The following SMC4 variants were observed in gnomAD, a reference collection of about 807,000 sequenced individuals.
SMC4 encodes structural maintenance of chromosomes 4, also known as structural maintenance of chromosomes protein 4.
A neutral mutation model predicts 145.6 loss-of-function variants in SMC4; 87 were observed. The ratio of observed to expected loss-of-function variants is 0.60; its 90% CI spans 0.50 to 0.71. SMC4 has a LOEUF of 0.71. Among genes scored for constraint, SMC4 ranks in the 30% least tolerant of loss-of-function variants. The pLI is 0.00. For synonymous variants in SMC4, 558 were observed against 500.7 expected, an observed-to-expected ratio of 1.11 and a Z score of -1.53; for missense variants, 1,447 against 1,537.1, an observed-to-expected ratio of 0.94 and a Z score of 0.98.
intron 17 of SMC4, among the ~76,000 whole-genome samples, chr3:160,427,940 C>T (rs547188217): frequency 2.0e-5 from 3 of 150,014 alleles, no homozygotes; most frequent in South Asian, 4.1e-4. Context: ...TACACACGCA[C>T]GCACACACAC....
intron 10 of SMC4, 166 bp from the exon 11 acceptor site, chr3:160,417,554 GACA>G (rs1716719170): frequency 1.6e-6 from 1 of 613,672 alleles, no homozygotes; most frequent in Non-Finnish European, 2.8e-6. Flanking sequence ...AGTGAATATT[GACA>G]ACTAGGCAAA....
At chr3:160,412,604 G>A (rs568744766) in intron 7 of SMC4, 151 bp downstream of exon 7, 3 of 1,274,546 alleles carry the variant, frequency 2.4e-6, no homozygotes, top group African/African-American at 1.5e-5. Flanking sequence ...GCTCATGCCT[G>A]TAATTCCAGC....
At chr3:160,433,348 T>G (rs1209280886) in intron 23 of SMC4, 139 bp downstream of exon 23, 8 of 596,680 alleles carry the variant, frequency 1.3e-5, no homozygotes, top group East Asian at 2.9e-5. Context: ...CTGGTATCAG[T>G]GGAGACCAAA....
intron 7 of SMC4, among the ~76,000 whole-genome samples, 162 bp from the exon 8 acceptor site, chr3:160,413,311 C>G (rs937407245): frequency 1.3e-5 from 2 of 152,000 alleles, no homozygotes; most frequent in Non-Finnish European, 2.9e-5. Context: ...TTCCTAAATT[C>G]TAGCCTTGAC....
At position 160,414,185 on chromosome 3, in the gene SMC4, C is replaced by A. The variant is rs555685722; in HGVS notation, c.1122-182C>A. The A allele has an allele frequency of 9.1e-5, 57 of 623,508 alleles. 2 individuals carry two copies. Among genetic ancestry groups the A allele is most frequent in the South Asian group, 5.0e-4 (33 of 65,676 alleles). 38.6% of individuals were successfully genotyped at this position (623,508 alleles called of 1,614,324 possible). A position where few individuals can be genotyped will look rare whatever the true frequency, so the allele number is the denominator to read the frequency against. Reference sequence around the variant, plus strand: ...AGAAAGGCAAAATAGCTGTCATAATCAAAAATACAGGTGCTTCTTCAACTA... The same window carrying A: ...AGAAAGGCAAAATAGCTGTCATAATAAAAAATACAGGTGCTTCTTCAACTA... On this transcript the variant is annotated intron_variant, in intron 8 of 23. Transcript: ENST00000357388.
rs1007778232 is a variant in SMC4, at chr3:160,431,893, T to C, written c.3297+68T>C. 4.8e-5 allele frequency: 71 copies of C among 1,472,852 alleles called. No individual in the cohort carries two copies. In the African/African-American group the frequency reaches 8.0e-4, roughly 17 times the overall value. 91.2% of individuals were successfully genotyped at this position (1,472,852 alleles called of 1,614,324 possible). Reference sequence around the variant, plus strand: ...AGTCCTTAGCCTAAATTCTGATCTTTAGTTTTGTATAATTAACAATGCTGT... The same window carrying C: ...AGTCCTTAGCCTAAATTCTGATCTTCAGTTTTGTATAATTAACAATGCTGT... On this transcript the variant is annotated intron_variant, in intron 21 of 23. Transcript: ENST00000357388.
rs1033810366 is a variant in SMC4 at position 160,424,954 on chromosome 3, G to C, written c.2413G>C (p.Val805Leu). The C allele has an allele frequency of 7.4e-6, 12 of 1,613,718 alleles. No individual in the cohort carries two copies. The Admixed American group carries it at 2.0e-4, about 27-fold the overall frequency. The change falls in exon 16 of 24, where the codon GTT becomes CTT. Residue 805 changes from valine (V) to leucine (L), a missense_variant. Coordinates refer to ENST00000357388, the MANE Select transcript of SMC4 (RefSeq NM_001002800.3). ...GAAAGTACAACTTGAAGAAAGAGTA[G>C]TTAAGTTACGGCATAGTGAACGAGA... ...EQKVQLEERVVKLRHSEREMR... is the reference protein window; with the variant it reads ...EQKVQLEERVLKLRHSEREMR...
intron 2 of SMC4, 54 bp from the exon 3 acceptor site, chr3:160,401,861 G>A (rs1006677890): frequency 4.2e-6 from 6 of 1,440,294 alleles, no homozygotes; most frequent in Admixed American, 4.3e-5. Context: ...TTGCACTAAT[G>A]TAGGCTTTTC....
intron 10 of SMC4, among the ~76,000 whole-genome samples, chr3:160,417,368 T>TG (rs1716696116): frequency 6.6e-6 from 1 of 152,216 alleles, no homozygotes; most frequent in South Asian, 2.1e-4. Context: ...GCTTTCATGA[T>TG]GGGATACTTC....
At chr3:160,432,094 C>T (rs990905691) in intron 21 of SMC4, among the ~76,000 whole-genome samples, 189 bp from the exon 22 acceptor site, 4 of 152,114 alleles carry the variant, frequency 2.6e-5, no homozygotes, top group African/African-American at 9.7e-5. Flanking sequence ...CCCGGGTACT[C>T]GGGAGGCTGA....
Position 160,433,224 on chromosome 3 carries a change from T to C in SMC4, c.3714+15T>C, listed in dbSNP as rs773096021. 8.2e-6 allele frequency: 13 copies of C among 1,584,562 alleles called. No individual in the cohort carries two copies. Among genetic ancestry groups the C allele is most frequent in the Non-Finnish European group, 8.6e-6 (10 of 1,160,258 alleles). Reference sequence around the variant, plus strand: ...TTTATATATATGTAAGTAATCATTTTGGGATTTTCATTCCAGAAACTTTTA... The same window carrying C: ...TTTATATATATGTAAGTAATCATTTCGGGATTTTCATTCCAGAAACTTTTA... On this transcript the variant is annotated intron_variant, in intron 23 of 23. Transcript: ENST00000357388.
chr3:160,404,806 C>T (rs373202341), intron 5 of SMC4: 6 of 555,198 alleles, frequency 1.1e-5, no homozygotes, highest in Non-Finnish European at 2.2e-5. Flanking sequence ...ACCAATATTA[C>T]TGTGCTGCTT....
At chr3:160,429,986 A>AT (rs1560014293) in intron 18 of SMC4, among the ~76,000 whole-genome samples, 1 of 152,180 alleles carries the variant, frequency 6.6e-6, no homozygotes, top group Non-Finnish European at 1.5e-5. Context: ...AAGTGCTGGG[A>AT]TTACAGGCAT....
intron 13 of SMC4, among the ~76,000 whole-genome samples, chr3:160,422,809 A>G (rs928658305): frequency 4.6e-5 from 7 of 152,104 alleles, no homozygotes; most frequent in African/African-American, 7.2e-5. Context: ...GTTTTAATCT[A>G]TTTTGAGTTA....
Position 160,412,156 on chromosome 3 carries a change from G to C in SMC4, c.852+72G>C. On this transcript the variant is annotated intron_variant, in intron 6 of 23. Transcript: ENST00000357388. The stretch of plus-strand genomic sequence containing the variant: ...TGATCTAACAAATTTTAGTAAGTCA[G>C]ATATTCATGTTATAATACTTAATGA... 5 of 1,520,070 alleles carry C rather than the reference G, an allele frequency of 3.3e-6. No individual in the cohort carries two copies. In the South Asian group the frequency reaches 6.2e-5, roughly 19 times the overall value. The allele number at this position is 1,520,070 out of a possible 1,614,324, so 94.2% of individuals were successfully genotyped here.
At chr3:160,427,817 T>C (rs564930829) in intron 17 of SMC4, among the ~76,000 whole-genome samples, 1 of 152,356 alleles carries the variant, frequency 6.6e-6, no homozygotes, top group African/African-American at 2.4e-5. Context: ...CTGCGCATGG[T>C]GGCTCACACC....
At chr3:160,418,464 A>G (rs1716815768) in intron 11 of SMC4, among the ~76,000 whole-genome samples, 1 of 152,198 alleles carries the variant, frequency 6.6e-6, no homozygotes, top group African/African-American at 2.4e-5. Context: ...TTAATCTCCA[A>G]AGATCTCCAA....
chr3:160,411,890 G>C, intron 5 of SMC4, 30 bp from the exon 6 acceptor site: 3 of 1,591,084 alleles, frequency 1.9e-6, no homozygotes, highest in Non-Finnish European at 2.6e-6. Flanking sequence ...AACATACACA[G>C]TGAGTATGAA....
chr3:160,408,120 T>G (rs1233914963), intron 5 of SMC4, among the ~76,000 whole-genome samples: 1 of 152,210 alleles, frequency 6.6e-6, no homozygotes, highest in East Asian at 1.9e-4. Context: ...CACTCATATT[T>G]GCTGTAAGAA....
Sources: gnomAD v4.1 joint callset for allele counts (sites outside exome capture counted in the v4.1 genomes callset) on GRCh38, gnomAD v4.1.1 for gene constraint, MANE v1.5 for transcripts, NCBI Gene and HGNC (gene_info 2026-07-23, HGNC 2026-07-21) for gene names.